Variants in FBXO25 observed in about 807,000 individuals in gnomAD.
FBXO25 encodes the protein F-box only protein 25.
Under a neutral mutation model 51.9 loss-of-function variants are expected in FBXO25, and 45 were observed. The ratio of observed to expected loss-of-function variants is 0.87; its 90% CI spans 0.68 to 1.11. FBXO25 has a LOEUF of 1.11. FBXO25 is among the 50% of genes most tolerant of loss of function. The probability of loss-of-function intolerance (pLI) is 0.00; values close to 1 mark genes in which losing one functional copy is unlikely to be tolerated. For missense variants in FBXO25, 507 were observed against 428.5 expected, an observed-to-expected ratio of 1.18 and a Z score of -1.62; for synonymous variants, 199 against 151.0, an observed-to-expected ratio of 1.32 and a Z score of -2.33.
rs1467697494 is a variant in FBXO25 at position 476,605 on chromosome 8, G to C, written c.*7801G>C. On this transcript the variant is annotated 3_prime_UTR_variant, in exon 10 of 10. Coordinates refer to ENST00000350302, the MANE Select transcript of FBXO25 (RefSeq NM_183420.2). ...ATAGGCTGTGTGTTTCTAAGAATTT[G>C]TCCAGTTCATCTAGGTTATCCAATT... 1 of 152,082 alleles carries C rather than the reference G, an allele frequency of 6.6e-6. No homozygotes were observed. The allele number at this position is 152,082 out of a possible 1,614,324, so 9.4% of individuals were successfully genotyped here.
intron 2 of FBXO25, among the ~76,000 whole-genome samples, chr8:426,760 A>G (rs551397173): frequency 0.047 from 6,118 of 131,052 alleles, 6 homozygotes; most frequent in Non-Finnish European, 0.061. Context: ...TGCACAGTGC[A>G]GTTGCTTCTC....
At chr8:467,309 C>T (rs1443567922) in intron 9 of FBXO25, among the ~76,000 whole-genome samples, 1 of 152,020 alleles carries the variant, frequency 6.6e-6, no homozygotes, top group Non-Finnish European at 1.5e-5. Flanking sequence ...GCAGAGCCTT[C>T]GGATGTTAAA....
chr8:435,646 T>A lies in FBXO25; in HGVS notation c.320T>A (p.Phe107Tyr). Residue 107 changes from phenylalanine to tyrosine, a missense_variant, in exon 5 of 10, where the codon TTT becomes TAT. By Grantham distance (22) the Phe-to-Tyr change is conservative. Transcript: ENST00000350302. Reference sequence around the variant, plus strand: ...GGCTATTGCACCTTGGGAGAAGCCTTTAATCGGTTAGACTTCTCAAGTGCA... The same window carrying A: ...GGCTATTGCACCTTGGGAGAAGCCTATAATCGGTTAGACTTCTCAAGTGCA... ...RHGYCTLGEA[F>Y]NRLDFSSAIQ... The A allele has an allele frequency of 6.2e-7, 1 of 1,606,434 alleles. No homozygotes were observed. Among genetic ancestry groups the A allele is most frequent in the Non-Finnish European group, 8.5e-7 (1 of 1,178,714 alleles).
intron 1 of FBXO25, among the ~76,000 whole-genome samples, chr8:412,767 T>G (rs973370844): frequency 2.0e-5 from 3 of 152,182 alleles, no homozygotes; most frequent in Non-Finnish European, 4.4e-5. Context: ...TGGAATAATA[T>G]TCCCTATTCC....
chr8:468,071 C>A (rs965846270), intron 9 of FBXO25: 5 of 1,133,012 alleles, frequency 4.4e-6, no homozygotes, highest in Non-Finnish European at 5.4e-6. Context: ...GACCCCAGAG[C>A]CTCTGGTCCC....
rs921192636 is a variant in FBXO25, at chr8:419,205, C to CAA, written c.134+6005_134+6006dup. 3.9e-3 allele frequency among the ~76,000 whole-genome samples: 514 copies of CAA among 131,978 alleles called. 1 individual carries two copies. Among genetic ancestry groups the CAA allele is most frequent in the African/African-American group, 0.014 (495 of 35,922 alleles). 86.6% of individuals were successfully genotyped at this position (131,978 alleles called of 152,430 possible). ...TGAAACCCCGTCTCTACTAAAAATA[C>CAA]AAAAAAAAAAAAAATTAGCCGAGCG... On this transcript the variant is annotated intron_variant, in intron 2 of 9. Coordinates refer to ENST00000350302, the MANE Select transcript of FBXO25 (RefSeq NM_183420.2).
At chr8:411,587 T>C (rs1163702348) in intron 1 of FBXO25, among the ~76,000 whole-genome samples, 1 of 152,218 alleles carries the variant, frequency 6.6e-6, no homozygotes, top group Non-Finnish European at 1.5e-5. Context: ...AATAAATACT[T>C]ATAGAGCTCC....
At chr8:465,841 C>G (rs1800120849) in intron 9 of FBXO25, among the ~76,000 whole-genome samples, 2 of 152,158 alleles carry the variant, frequency 1.3e-5, no homozygotes, top group African/African-American at 4.8e-5. Flanking sequence ...CCTTAGTTTC[C>G]TGAAATATGT....
chr8:451,705 T>G (rs1157023995), intron 7 of FBXO25, among the ~76,000 whole-genome samples: 3 of 150,836 alleles, frequency 2.0e-5, no homozygotes, highest in Non-Finnish European at 4.4e-5. Context: ...GTAAATAAAT[T>G]TACCTTCATG....
intron 2 of FBXO25, among the ~76,000 whole-genome samples, chr8:417,667 A>G (rs908900336): frequency 6.6e-6 from 1 of 152,180 alleles, no homozygotes; most frequent in African/African-American, 2.4e-5. Flanking sequence ...TGGTGTCACC[A>G]TGTTCTCCTA....
intron 5 of FBXO25, among the ~76,000 whole-genome samples, chr8:449,438 G>A (rs1032904681): frequency 2.6e-5 from 4 of 152,158 alleles, no homozygotes; most frequent in African/African-American, 9.7e-5. Flanking sequence ...CTACAATTTT[G>A]TATTTTAGTG....
intron 5 of FBXO25, among the ~76,000 whole-genome samples, chr8:438,558 T>C (rs372739481): frequency 6.6e-6 from 1 of 152,322 alleles, no homozygotes; most frequent in East Asian, 1.9e-4. Context: ...CTCTAATCTT[T>C]GAAGTTGAGT....
chr8:431,638 C>T (rs998645829), intron 3 of FBXO25, among the ~76,000 whole-genome samples, 194 bp downstream of exon 3: 1 of 152,114 alleles, frequency 6.6e-6, no homozygotes, highest in Non-Finnish European at 1.5e-5. Context: ...TGTGCAAAAA[C>T]AAAATAAGAG....
intron 2 of FBXO25, among the ~76,000 whole-genome samples, chr8:426,772 C>T (rs1204204810): frequency 2.0e-5 from 3 of 151,976 alleles, no homozygotes; most frequent in Non-Finnish European, 2.9e-5. Flanking sequence ...TTGCTTCTCC[C>T]TGCGGAGTGA....
At chr8:448,277 G>A (rs1293037317) in intron 5 of FBXO25, among the ~76,000 whole-genome samples, 1 of 152,164 alleles carries the variant, frequency 6.6e-6, no homozygotes, top group Non-Finnish European at 1.5e-5. Context: ...GCTGGGGAAG[G>A]TTGACTGAGA....
chr8:458,467 C>T lies in FBXO25; in HGVS notation c.759C>T (p.Gly253=). ...ACGGATGGGACATCATCACCTTAGGCCAGGTGACCCCCACGTTGTATATGC... is the reference window on the plus strand; with the variant it reads ...ACGGATGGGACATCATCACCTTAGGTCAGGTGACCCCCACGTTGTATATGC... ...FSDGWDIITL[G]QVTPTLYMLS... is the part of the protein sequence containing the mutation. Residue 253 remains glycine (G), a synonymous_variant, in exon 8 of 10, where the codon GGC becomes GGT. Coordinates refer to ENST00000350302, the MANE Select transcript of FBXO25 (RefSeq NM_183420.2). 6.2e-7 allele frequency: 1 copy of T among 1,614,128 alleles called. No homozygotes were observed. The highest frequency in any genetic ancestry group is 1.7e-5 in the Admixed American group (1 of 60,022).
intron 5 of FBXO25, among the ~76,000 whole-genome samples, chr8:445,844 C>T (rs955292895): frequency 1.3e-5 from 2 of 152,202 alleles, no homozygotes; most frequent in Non-Finnish European, 2.9e-5. Flanking sequence ...GCACTCCAGC[C>T]TGGGGGACAA....
chr8:453,029 A>G (rs1488595236), intron 7 of FBXO25, among the ~76,000 whole-genome samples: 4 of 152,064 alleles, frequency 2.6e-5, no homozygotes, highest in Non-Finnish European at 5.9e-5. Context: ...GAAGGAAGAC[A>G]CTCTGCTTTT....
At chr8:440,935 G>A (rs1213301803) in intron 5 of FBXO25, among the ~76,000 whole-genome samples, 1 of 145,346 alleles carries the variant, frequency 6.9e-6, no homozygotes, top group East Asian at 2.0e-4. Flanking sequence ...TTTTATGACT[G>A]CATAGTATTC....
Sources: allele counts gnomAD v4.1 joint callset (sites outside exome capture counted in the v4.1 genomes callset), GRCh38; gene constraint gnomAD v4.1.1; transcripts MANE v1.5; gene names NCBI Gene and HGNC (gene_info 2026-07-23, HGNC 2026-07-21).